Variants in HUWE1 observed in about 807,000 individuals in gnomAD.
HUWE1 encodes E3 ubiquitin-protein ligase HUWE1.
HUWE1 carries 18 observed loss-of-function variants against 299.4 expected under a neutral mutation model. The ratio of observed to expected loss-of-function variants is 0.06; its 90% CI spans 0.04 to 0.09. The LOEUF (loss-of-function observed/expected upper bound fraction) is 0.09. Ranked by LOEUF, HUWE1 falls within the 10% of genes least tolerant of loss-of-function variation. HUWE1 has a pLI of 1.00. For synonymous variants in HUWE1, 1,317 were observed against 1,286.1 expected (o/e 1.02, Z -0.51); for missense variants, 1,832 against 3,462.3 (o/e 0.53, Z 11.82).
chrX:53,672,871 G>A (rs1242540745), intron 3 of HUWE1, among the ~76,000 whole-genome samples: 2 of 111,877 alleles, frequency 1.8e-5, no homozygotes, highest in Non-Finnish European at 3.8e-5. Flanking sequence ...AGAAGATACT[G>A]CATACCAAAA....
intron 3 of HUWE1, among the ~76,000 whole-genome samples, chrX:53,665,467 G>A (rs1286756967): frequency 8.9e-6 from 1 of 111,932 alleles, no homozygotes; most frequent in African/African-American, 3.3e-5. Context: ...TACTAAGAAA[G>A]AGGAATCTGA....
At chrX:53,655,397 G>C (rs782706222) in intron 3 of HUWE1, among the ~76,000 whole-genome samples, 4 of 112,152 alleles carry the variant, frequency 3.6e-5, no homozygotes, top group Non-Finnish European at 7.5e-5. Context: ...TCAAGGAAGA[G>C]TTTGTGAAAA....
chrX:53,583,008 A>G lies in HUWE1; in HGVS notation c.5520+550T>C, dbSNP rs782256611. Among the ~76,000 whole-genome samples, 4 of 112,445 alleles carry G rather than the reference A, an allele frequency of 3.6e-5. No individual in the cohort carries two copies. In the East Asian group the frequency reaches 8.3e-4, roughly 23 times the overall value. On this transcript the variant is annotated intron_variant, in intron 42 of 83. Coordinates refer to ENST00000262854, the MANE Select transcript of HUWE1 (RefSeq NM_031407.7). ...AACTTTACAAATGTTTTTATTTTTTATAAGTACGTTGCTATTTCTTCCACT... is the reference window on the plus strand; with the variant it reads ...AACTTTACAAATGTTTTTATTTTTTGTAAGTACGTTGCTATTTCTTCCACT...
chrX:53,613,089 T>G (rs1557003940), intron 23 of HUWE1, among the ~76,000 whole-genome samples: 1 of 111,515 alleles, frequency 9.0e-6, no homozygotes, highest in Non-Finnish European at 1.9e-5. Context: ...AAGGAAGCAC[T>G]AAGACTCGTC....
In HUWE1 at chrX:53,536,526, G is replaced by C. The variant is rs782148553; in HGVS notation, c.12279C>G (p.Ile4093Met). 4.1e-6 allele frequency: 5 copies of C among 1,211,785 alleles called. No homozygotes were observed. In the Admixed American group the frequency reaches 1.1e-4, roughly 26 times the overall value. ...TSPGDRVTYT[I>M]NPSSHCNPNH... ...TGGGGTTGCAGTGGGAAGATGGATT[G>C]ATGGTGTAGGTGACTCGATCACCAG... Residue 4093 changes from isoleucine to methionine, a missense_variant, in exon 79 of 84, where the codon ATC (isoleucine) becomes ATG (methionine). By Grantham distance (10) the Ile-to-Met change is conservative (BLOSUM62 1). Coordinates refer to ENST00000262854, the MANE Select transcript of HUWE1 (RefSeq NM_031407.7).
intron 3 of HUWE1, among the ~76,000 whole-genome samples, chrX:53,667,044 G>A: frequency 9.0e-6 from 1 of 111,487 alleles, no homozygotes; most frequent in Non-Finnish European, 1.9e-5. Context: ...AGATAGCCAG[G>A]TGTACAGAAA....
At chrX:53,596,640 A>G (rs2064492753) in intron 29 of HUWE1, among the ~76,000 whole-genome samples, 1 of 112,031 alleles carries the variant, frequency 8.9e-6, no homozygotes, top group Non-Finnish European at 1.9e-5. Flanking sequence ...GCACTTCTAC[A>G]TGAACAGTTC....
rs915537891 is a variant in HUWE1 at position 53,682,582 on chromosome X, G to A, written c.-162-2396C>T. 3.2e-4 allele frequency among the ~76,000 whole-genome samples: 36 copies of A among 111,524 alleles called. No homozygotes were observed. In the Admixed American group the frequency reaches 3.2e-3, roughly 10 times the overall value. ...AATGCTGTTTTCTAGTAAATGGAAGGGGTAAAATGTAGTGGAGCCTGAGAG... is the reference window on the plus strand; with the variant it reads ...AATGCTGTTTTCTAGTAAATGGAAGAGGTAAAATGTAGTGGAGCCTGAGAG... On this transcript the variant is annotated intron_variant, in intron 2 of 83. Coordinates refer to ENST00000262854, the MANE Select transcript of HUWE1 (RefSeq NM_031407.7).
intron 71 of HUWE1, 44 bp downstream of exon 71, chrX:53,544,985 T>C (rs781917870): frequency 5.9e-6 from 7 of 1,188,074 alleles, no homozygotes; most frequent in Middle Eastern, 2.3e-4. Flanking sequence ...TCTTCCAGAA[T>C]ATCCCAGATT....
At chrX:53,612,123 T>C (rs1389132932) in intron 23 of HUWE1, among the ~76,000 whole-genome samples, 2 of 111,889 alleles carry the variant, frequency 1.8e-5, no homozygotes. Context: ...ACTTTTGCTG[T>C]TAATATATTG....
chrX:53,681,217 C>T (rs2070120896), intron 2 of HUWE1, among the ~76,000 whole-genome samples: 1 of 110,325 alleles, frequency 9.1e-6, no homozygotes, highest in Non-Finnish European at 1.9e-5. Context: ...GGGCGGATCA[C>T]GAGGTCAGGA....
rs1365253651 is a variant in HUWE1, at chrX:53,532,557, TA to T, written c.*751del. 5.0e-4 allele frequency: 49 copies of T among 98,677 alleles called. No individual in the cohort carries two copies. The highest frequency in any genetic ancestry group is 5.2e-4 in the Non-Finnish European group (25 of 48,489). The allele number at this position is 98,677 out of a possible 1,213,427, so 8.1% of individuals were successfully genotyped here. Reference sequence around the variant, plus strand: ...CCATCCCCAAGTGCAGCTCCCATTCTAAAAAAAAAAAACAGATGCCCCCACC... The same window carrying T: ...CCATCCCCAAGTGCAGCTCCCATTCTAAAAAAAAAAACAGATGCCCCCACC... On this transcript the variant is annotated 3_prime_UTR_variant, in exon 84 of 84. Transcript: ENST00000262854.
intron 53 of HUWE1, 51 bp downstream of exon 53, chrX:53,562,780 G>A (rs1556942435): frequency 9.9e-7 from 1 of 1,007,304 alleles, no homozygotes; most frequent in Non-Finnish European, 1.4e-6. Context: ...TGTAGTGTCT[G>A]TCAGACGTGC....
At chrX:53,626,445 C>T (rs782649287) in intron 17 of HUWE1, among the ~76,000 whole-genome samples, 1 of 111,400 alleles carries the variant, frequency 9.0e-6, no homozygotes, top group African/African-American at 3.3e-5. Flanking sequence ...ATATTCCGAT[C>T]TGGAAGAATG....
intron 3 of HUWE1, among the ~76,000 whole-genome samples, chrX:53,664,880 C>A (rs896310751): frequency 1.8e-5 from 2 of 111,164 alleles, no homozygotes; most frequent in African/African-American, 6.5e-5. Flanking sequence ...AATTGTCAGG[C>A]CTTTCCATCC....
rs2064357843 is a variant in HUWE1, at chrX:53,594,704, G to A, written c.3381-83C>T. On this transcript the variant is annotated intron_variant, in intron 30 of 83. Coordinates refer to ENST00000262854, the MANE Select transcript of HUWE1 (RefSeq NM_031407.7). ...TAGGAAATTCATGTAAAAGGCAAGA[G>A]TAAAATTTACACACTGAAGTGACAC... is the stretch of plus-strand genomic sequence containing the variant. 5 of 1,017,251 alleles carry A rather than the reference G, an allele frequency of 4.9e-6. No individual in the cohort carries two copies. The East Asian group carries it at 1.6e-4, about 33-fold the overall frequency. The allele number at this position is 1,017,251 out of a possible 1,213,427, so 83.8% of individuals were successfully genotyped here. A position where few individuals can be genotyped will look rare whatever the true frequency, so the allele number is the denominator to read the frequency against.
At position 53,546,496 on chromosome X, in the gene HUWE1, C is replaced by A; in HGVS notation, c.10855G>T (p.Val3619Phe). The A allele has an allele frequency of 8.3e-7, 1 of 1,210,705 alleles. No individual in the cohort carries two copies. Among genetic ancestry groups the A allele is most frequent in the Non-Finnish European group, 1.1e-6 (1 of 894,827 alleles). ...GCTCCATTCAGTAGCAGCTTGAGAA[C>A]AGTGTCCCGGGTCCCAGAGTCCCCC... ...SRGDSGTRDT[V>F]LKLLLNGARH... is the part of the protein sequence containing the mutation. The change falls in exon 70 of 84, where the codon GTT becomes TTT. Residue 3619 changes from valine (V) to phenylalanine (F), a missense_variant. By Grantham distance (50) the Val-to-Phe change is conservative (BLOSUM62 -1). Coordinates refer to ENST00000262854, the MANE Select transcript of HUWE1 (RefSeq NM_031407.7).
chrX:53,579,968 AAAT>A (rs1296548890), intron 43 of HUWE1: 1 of 110,573 alleles, frequency 9.0e-6, no homozygotes, highest in African/African-American at 3.3e-5. Context: ...TAAAAAAAAA[AAAT>A]AAAATAAAAA....
At chrX:53,534,430 G>T in intron 82 of HUWE1, 86 bp downstream of exon 82, 1 of 866,733 alleles carries the variant, frequency 1.2e-6, no homozygotes, top group Non-Finnish European at 1.7e-6. Context: ...TCCTCTAAGA[G>T]TACTACTGGT....
Sources: gnomAD v4.1 joint callset for allele counts (sites outside exome capture counted in the v4.1 genomes callset) on GRCh38, gnomAD v4.1.1 for gene constraint, MANE v1.5 for transcripts, NCBI Gene and HGNC (gene_info 2026-07-23, HGNC 2026-07-21) for gene names.